The following TBC1D22B variants were observed in gnomAD, a reference collection of about 807,000 sequenced individuals.
The protein encoded by TBC1D22B is chromosome 6 open reading frame 197.
TBC1D22B carries 32 observed loss-of-function variants against 69.1 expected under a neutral mutation model. The observed-to-expected ratio is 0.46, with a 90% CI of 0.35 to 0.62. The LOEUF (loss-of-function observed/expected upper bound fraction) is 0.62, where lower values mean the gene tolerates loss of function less well. Ranked by LOEUF, TBC1D22B falls within the 20% of genes least tolerant of loss-of-function variation. The pLI is 0.00. For missense variants in TBC1D22B, 462 were observed against 630.9 expected, an observed-to-expected ratio of 0.73 and a Z score of 2.87; for synonymous variants, 206 against 229.8, an observed-to-expected ratio of 0.90 and a Z score of 0.94.
intron 2 of TBC1D22B, among the ~76,000 whole-genome samples, chr6:37,271,777 G>A (rs1013954678): frequency 2.6e-5 from 4 of 151,266 alleles, no homozygotes; most frequent in Non-Finnish European, 4.4e-5. Flanking sequence ...TTGCGATTTG[G>A]TGTGTGTATA....
intron 1 of TBC1D22B, among the ~76,000 whole-genome samples, chr6:37,262,425 T>A (rs1204209830): frequency 6.6e-6 from 1 of 152,178 alleles, no homozygotes; most frequent in Admixed American, 6.5e-5. Context: ...TCAAGCAGTC[T>A]GCCCACTTCA....
chr6:37,261,739 A>G (rs980731950), intron 1 of TBC1D22B, among the ~76,000 whole-genome samples: 1 of 152,082 alleles, frequency 6.6e-6, no homozygotes, highest in South Asian at 2.1e-4. Context: ...ACTGAAATTG[A>G]AAAGCTTTGA....
intron 2 of TBC1D22B, 103 bp from the exon 3 acceptor site, chr6:37,279,201 T>A: frequency 1.8e-6 from 2 of 1,128,606 alleles, no homozygotes; most frequent in Non-Finnish European, 2.5e-6. Context: ...CTAATGATTA[T>A]GTATGTGGTA....
intron 8 of TBC1D22B, among the ~76,000 whole-genome samples, chr6:37,309,529 C>T (rs546273953): frequency 1.2e-4 from 18 of 152,288 alleles, no homozygotes; most frequent in African/African-American, 4.3e-4. Flanking sequence ...TAGTCTCCAT[C>T]CTTCCCTGTG....
chr6:37,283,389 C>T (rs1037270441), intron 5 of TBC1D22B, among the ~76,000 whole-genome samples: 1 of 152,194 alleles, frequency 6.6e-6, no homozygotes, highest in Admixed American at 6.5e-5. Flanking sequence ...GAGCACTGTG[C>T]CAGCCGCTAT....
intron 12 of TBC1D22B, among the ~76,000 whole-genome samples, chr6:37,327,508 A>T (rs1251797239): frequency 1.3e-5 from 2 of 148,454 alleles, no homozygotes; most frequent in East Asian, 2.0e-4. Context: ...AAAAAAAAAT[A>T]AGTTGAGATA....
intron 9 of TBC1D22B, among the ~76,000 whole-genome samples, 200 bp downstream of exon 9, chr6:37,313,224 T>C (rs1767974783): frequency 6.6e-6 from 1 of 152,204 alleles, no homozygotes; most frequent in Non-Finnish European, 1.5e-5. Flanking sequence ...GCACGGTGGC[T>C]CACGCCTGTA....
intron 8 of TBC1D22B, among the ~76,000 whole-genome samples, chr6:37,309,518 T>G (rs1216050013): frequency 6.6e-6 from 1 of 152,214 alleles, no homozygotes; most frequent in Non-Finnish European, 1.5e-5. Flanking sequence ...TGGGGTGGTT[T>G]TAGTCTCCAT....
chr6:37,278,643 C>G (rs552256368), intron 2 of TBC1D22B, among the ~76,000 whole-genome samples: 2 of 152,172 alleles, frequency 1.3e-5, no homozygotes, highest in Non-Finnish European at 2.9e-5. Flanking sequence ...AGAAGAAAAG[C>G]TATGGATCAG....
chr6:37,289,492 G>A (rs778533989), intron 7 of TBC1D22B, among the ~76,000 whole-genome samples: 1 of 152,182 alleles, frequency 6.6e-6, no homozygotes, highest in Non-Finnish European at 1.5e-5. Flanking sequence ...GAGTGTGTCT[G>A]TGTTGTTCCA....
At chr6:37,324,707 ACTTCT>A (rs886346863) in intron 12 of TBC1D22B, among the ~76,000 whole-genome samples, 1 of 152,010 alleles carries the variant, frequency 6.6e-6, no homozygotes, top group African/African-American at 2.4e-5. Context: ...CTCTTTTATG[ACTTCT>A]CTTCTTTTTG....
chr6:37,305,964 C>G (rs898196261), intron 8 of TBC1D22B, among the ~76,000 whole-genome samples: 1 of 152,170 alleles, frequency 6.6e-6, no homozygotes, highest in Non-Finnish European at 1.5e-5. Context: ...CTCAAGCTGC[C>G]TCCTGGCCCC....
chr6:37,321,044 G>A (rs1051013469), intron 12 of TBC1D22B, among the ~76,000 whole-genome samples: 1 of 152,296 alleles, frequency 6.6e-6, no homozygotes, highest in East Asian at 1.9e-4. Flanking sequence ...TGGCAATTTC[G>A]TGAGGCTCAA....
At chr6:37,302,693 A>T (rs1447795057) in intron 8 of TBC1D22B, among the ~76,000 whole-genome samples, 1 of 152,312 alleles carries the variant, frequency 6.6e-6, no homozygotes, top group South Asian at 2.1e-4. Context: ...ACAGCAGTGG[A>T]ACTCTCGGAA....
At chr6:37,316,903 T>C in intron 11 of TBC1D22B, 73 bp downstream of exon 11, 1 of 1,604,306 alleles carries the variant, frequency 6.2e-7, no homozygotes, top group Non-Finnish European at 8.5e-7. Context: ...TGTTGTGGAA[T>C]GTAGCTGCTT....
intron 12 of TBC1D22B, 103 bp from the exon 13 acceptor site, chr6:37,330,941 A>G (rs1467135697): frequency 3.2e-6 from 4 of 1,237,068 alleles, no homozygotes; most frequent in African/African-American, 3.0e-5. Flanking sequence ...TGTGTGAGCC[A>G]GGAGGAAGGG....
chr6:37,259,894 A>G (rs1766019845), intron 1 of TBC1D22B, among the ~76,000 whole-genome samples: 1 of 152,244 alleles, frequency 6.6e-6, no homozygotes, highest in Admixed American at 6.5e-5. Flanking sequence ...TTTATTTAGC[A>G]CATTATAGTT....
intron 2 of TBC1D22B, among the ~76,000 whole-genome samples, chr6:37,273,923 G>A (rs1193795721): frequency 6.6e-6 from 1 of 152,202 alleles, no homozygotes; most frequent in African/African-American, 2.4e-5. Flanking sequence ...TGCAGCAGAA[G>A]CCTTTACATT....
chr6:37,259,272 A>G (rs148530060), intron 1 of TBC1D22B, among the ~76,000 whole-genome samples: 2 of 152,324 alleles, frequency 1.3e-5, no homozygotes, highest in African/African-American at 4.8e-5. Context: ...CTTCAGATTA[A>G]AGTGCTGTGG....
Sources: allele counts gnomAD v4.1 joint callset (sites outside exome capture counted in the v4.1 genomes callset), GRCh38; gene constraint gnomAD v4.1.1; transcripts MANE v1.5; gene names NCBI Gene and HGNC (gene_info 2026-07-23, HGNC 2026-07-21).